The following IFT122 variants were observed in gnomAD, a reference collection of about 807,000 sequenced individuals.
IFT122 encodes intraflagellar transport protein 122 homolog.
Under a neutral mutation model 161.6 loss-of-function variants are expected in IFT122, and 118 were observed. That is an observed-to-expected ratio of 0.73 (90% CI 0.63 to 0.85). The LOEUF is 0.85. Ranked by LOEUF, IFT122 falls within the 40% of genes least tolerant of loss-of-function variation. The pLI is 0.00. For synonymous variants in IFT122, 550 were observed against 602.4 expected, an observed-to-expected ratio of 0.91 and a Z score of 1.27; for missense variants, 1,381 against 1,579.6, an observed-to-expected ratio of 0.87 and a Z score of 2.13.
intron 5 of IFT122, 50 bp from the exon 6 acceptor site, chr3:129,463,510 G>A (rs751960290): frequency 7.2e-5 from 101 of 1,411,144 alleles, no homozygotes; most frequent in Non-Finnish European, 9.6e-5. Context: ...TTTTATTGCT[G>A]GGTAGTATTC....
At chr3:129,520,010 C>T (rs565360805) in intron 29 of IFT122, among the ~76,000 whole-genome samples, 166 bp from the exon 30 acceptor site, 1 of 152,300 alleles carries the variant, frequency 6.6e-6, no homozygotes, top group East Asian at 1.9e-4. Context: ...CCCCACAGCC[C>T]CCTCCCATCT....
intron 18 of IFT122, among the ~76,000 whole-genome samples, 198 bp downstream of exon 18, chr3:129,495,805 T>G (rs1268654125): frequency 6.6e-6 from 1 of 152,234 alleles, no homozygotes; most frequent in East Asian, 1.9e-4. Context: ...CCTTTAAGGC[T>G]GACACCAAGG....
chr3:129,456,500 GGTGGT>G (rs2075511213), intron 3 of IFT122, among the ~76,000 whole-genome samples: 1 of 148,808 alleles, frequency 6.7e-6, no homozygotes, highest in Non-Finnish European at 1.5e-5. Flanking sequence ...AGCTGGGCAT[GGTGGT>G]GTGTGCCTGT....
At chr3:129,519,042 AG>A in intron 27 of IFT122, 64 bp from the exon 28 acceptor site, 1 of 1,347,922 alleles carries the variant, frequency 7.4e-7, no homozygotes, top group Non-Finnish European at 1.1e-6. Flanking sequence ...ACAGGGGTGT[AG>A]GGTGGAGGCT....
chr3:129,519,438 G>A (rs144875186), intron 28 of IFT122, 130 bp from the exon 29 acceptor site: 1 of 1,319,296 alleles, frequency 7.6e-7, no homozygotes, highest in Admixed American at 2.0e-5. Flanking sequence ...GCTTGCCACT[G>A]TTAGGGTCAC....
At chr3:129,449,998 C>A in intron 2 of IFT122, 61 bp downstream of exon 2, 7 of 1,005,184 alleles carry the variant, frequency 7.0e-6, no homozygotes, top group Non-Finnish European at 1.1e-5. Context: ...TGTGAGTACT[C>A]TGAAATTTGA....
chr3:129,516,769 CACAG>C (rs1162792855), intron 26 of IFT122, among the ~76,000 whole-genome samples: 7 of 141,506 alleles, frequency 4.9e-5, no homozygotes, highest in African/African-American at 1.3e-4. Context: ...TGCCCCTGCA[CACAG>C]ACACACAGAG....
At chr3:129,479,527 C>T (rs1230435014) in intron 12 of IFT122, among the ~76,000 whole-genome samples, 2 of 152,116 alleles carry the variant, frequency 1.3e-5, no homozygotes, top group African/African-American at 2.4e-5. Flanking sequence ...AGTATGTGTA[C>T]TTTTGAGTGC....
intron 9 of IFT122, among the ~76,000 whole-genome samples, chr3:129,473,400 T>C (rs947519234): frequency 6.6e-6 from 1 of 152,240 alleles, no homozygotes; most frequent in African/African-American, 2.4e-5. Flanking sequence ...TTTCCTGCTT[T>C]GGGGAATTTT....
intron 24 of IFT122, 145 bp from the exon 25 acceptor site, chr3:129,514,244 G>C (rs59128281): frequency 1.2e-6 from 1 of 862,690 alleles, no homozygotes; most frequent in Non-Finnish European, 1.9e-6. Context: ...TCTCACAAGC[G>C]CACAGAGCCT....
chr3:129,502,263 C>G (rs2081644597), intron 19 of IFT122, among the ~76,000 whole-genome samples: 1 of 152,216 alleles, frequency 6.6e-6, no homozygotes. Context: ...AATTCCTGCA[C>G]CCGTGGTGGA....
chr3:129,481,967 G>A (rs953487711), intron 14 of IFT122, among the ~76,000 whole-genome samples: 7 of 152,208 alleles, frequency 4.6e-5, no homozygotes, highest in South Asian at 2.1e-4. Context: ...TTTCTTAAGC[G>A]TTTACCATGA....
At chr3:129,450,386 CAT>C (rs1024114891) in intron 2 of IFT122, among the ~76,000 whole-genome samples, 4 of 152,156 alleles carry the variant, frequency 2.6e-5, no homozygotes, top group Non-Finnish European at 5.9e-5. Flanking sequence ...TTTCAAATAA[CAT>C]AAGCTCCCTC....
At chr3:129,481,825 T>C in intron 14 of IFT122, 131 bp downstream of exon 14, 1 of 936,922 alleles carries the variant, frequency 1.1e-6, no homozygotes, top group Non-Finnish European at 1.7e-6. Flanking sequence ...GCCAAGCACA[T>C]GCACAGAGTC....
chr3:129,478,980 G>A (rs2078307355), intron 12 of IFT122, among the ~76,000 whole-genome samples: 1 of 152,120 alleles, frequency 6.6e-6, no homozygotes, highest in African/African-American at 2.4e-5. Flanking sequence ...AATGCCAAGA[G>A]AAGTTTGGAA....
rs1415157303 is a variant in IFT122, at chr3:129,465,881, A to G, written c.564-1009A>G. Among the ~76,000 whole-genome samples, 20 of 93,320 alleles carry G rather than the reference A, an allele frequency of 2.1e-4. 1 individual carries two copies. The highest frequency in any genetic ancestry group is 3.1e-4 in the Non-Finnish European group (17 of 55,226). 61.2% of individuals were successfully genotyped at this position (93,320 alleles called of 152,430 possible). ...ATGGTCTCGATCTCCTGACCTCATG[A>G]TCCACCCGCCTCGGCCTCCCAAAGT... On this transcript the variant is annotated intron_variant, in intron 7 of 29. Transcript: ENST00000348417.
intron 9 of IFT122, among the ~76,000 whole-genome samples, chr3:129,475,464 C>A (rs1317678065): frequency 6.6e-6 from 1 of 152,154 alleles, no homozygotes; most frequent in African/African-American, 2.4e-5. Flanking sequence ...CTAGCCGGGA[C>A]AACAAGGAGA....
chr3:129,499,206 A>G (rs539705079), intron 18 of IFT122, among the ~76,000 whole-genome samples: 12 of 152,304 alleles, frequency 7.9e-5, no homozygotes, highest in Admixed American at 7.8e-4. Context: ...ATCCCTAACC[A>G]TTCAGCTGAG....
chr3:129,459,201 T>A, intron 4 of IFT122: 1 of 421,504 alleles, frequency 2.4e-6, no homozygotes, highest in South Asian at 1.7e-5. Flanking sequence ...TTTCTCACAA[T>A]TGCAGTTTTA....
Sources: gnomAD v4.1 joint callset for allele counts (sites outside exome capture counted in the v4.1 genomes callset) on GRCh38, gnomAD v4.1.1 for gene constraint, MANE v1.5 for transcripts, NCBI Gene and HGNC (gene_info 2026-07-23, HGNC 2026-07-21) for gene names.